The following IPO9 variants were observed in gnomAD, a reference collection of about 807,000 sequenced individuals.
IPO9 encodes importin-9.
In IPO9, 28 loss-of-function variants were observed where a neutral mutation model predicts 128.6. That is an observed-to-expected ratio of 0.22 (90% CI 0.16 to 0.30). IPO9 has a LOEUF of 0.30. Ranked by LOEUF, IPO9 falls within the 10% of genes least tolerant of loss-of-function variation. The probability of loss-of-function intolerance (pLI) is 1.00; values close to 1 mark genes in which losing one functional copy is unlikely to be tolerated. For missense variants in IPO9, 935 were observed against 1,293.9 expected, an observed-to-expected ratio of 0.72 and a Z score of 4.26; for synonymous variants, 455 against 475.8, an observed-to-expected ratio of 0.96 and a Z score of 0.57.
At chr1:201,859,180 A>AATATATATATATAT (rs148348918) in intron 13 of IPO9, among the ~76,000 whole-genome samples, 186 bp downstream of exon 13, 26 of 83,438 alleles carry the variant, frequency 3.1e-4, no homozygotes, top group African/African-American at 1.0e-3. Context: ...CTCAAAGTAT[A>AATATATATATATAT]ATATATATAT....
chr1:201,839,708 G>A (rs1680001815), intron 1 of IPO9, among the ~76,000 whole-genome samples: 2 of 151,884 alleles, frequency 1.3e-5, no homozygotes, highest in Non-Finnish European at 2.9e-5. Flanking sequence ...AGTACTAGAG[G>A]AAAACATGGG....
chr1:201,834,190 A>AG (rs1679884083), intron 1 of IPO9, among the ~76,000 whole-genome samples: 1 of 960 alleles, frequency 1.0e-3, no homozygotes, highest in South Asian at 0.25. Flanking sequence ...TCGTTAGAGT[A>AG]AAAAAACTTT....
Position 201,878,190 on chromosome 1 carries a change from T to C in IPO9, c.*2136T>C, listed in dbSNP as rs1254298463. 6.6e-6 allele frequency: 1 copy of C among 152,302 alleles called. No individual in the cohort carries two copies. The highest frequency in any genetic ancestry group is 1.5e-5 in the Non-Finnish European group (1 of 68,124). The allele number at this position is 152,302 out of a possible 1,614,324, so 9.4% of individuals were successfully genotyped here. On this transcript the variant is annotated 3_prime_UTR_variant, in exon 24 of 24. Transcript: ENST00000361565. ...CTGCTTCACATGGCATTGTGGGAGT[T>C]GCTGATACTGGGGAAATGATGGCAG...
rs781520441 is a variant in IPO9 at position 201,857,134 on chromosome 1, A to G, written c.1161A>G (p.Glu387=). 13 of 1,613,306 alleles carry G rather than the reference A, an allele frequency of 8.1e-6. No individual in the cohort carries two copies. In the African/African-American group the frequency reaches 1.3e-4, roughly 17 times the overall value. Residue 387 remains glutamate (E), a synonymous_variant, in exon 11 of 24, where the codon GAA becomes GAG. Transcript: ENST00000361565. Reference sequence around the variant, plus strand: ...CAGCCAACCCCCAACAATTTGTAGAAGATGAAGATGATGATACATTCTCCT... The same window carrying G: ...CAGCCAACCCCCAACAATTTGTAGAGGATGAAGATGATGATACATTCTCCT... ...VWTANPQQFV[E]DEDDDTFSYT...
intron 1 of IPO9, among the ~76,000 whole-genome samples, chr1:201,840,115 C>A (rs993134185): frequency 6.6e-6 from 1 of 152,136 alleles, no homozygotes; most frequent in African/African-American, 2.4e-5. Context: ...TTTGAGACAG[C>A]GTGTCACTCT....
chr1:201,857,049 A>C lies in IPO9; in HGVS notation c.1123-47A>C, dbSNP rs113701247. On this transcript the variant is annotated intron_variant, in intron 10 of 23. Transcript: ENST00000361565. ...TTCCTGTATCTGTTGATGAAAAGCT[A>C]TGAATCAGATTGGCAGCATCACAAA... The C allele has an allele frequency of 2.7e-6, 3 of 1,129,090 alleles. No individual in the cohort carries two copies. The African/African-American group carries it at 4.6e-5, about 17-fold the overall frequency. 69.9% of individuals were successfully genotyped at this position (1,129,090 alleles called of 1,614,324 possible). A position where few individuals can be genotyped will look rare whatever the true frequency, so the allele number is the denominator to read the frequency against.
chr1:201,839,585 G>T (rs868547121), intron 1 of IPO9, among the ~76,000 whole-genome samples: 1 of 118,986 alleles, frequency 8.4e-6, no homozygotes, highest in African/African-American at 3.3e-5. Flanking sequence ...AAAAAAAAAA[G>T]TGCTGCTATG....
intron 4 of IPO9, among the ~76,000 whole-genome samples, chr1:201,849,455 A>G (rs1316115742): frequency 6.6e-6 from 1 of 152,198 alleles, no homozygotes; most frequent in African/African-American, 2.4e-5. Context: ...TCCTTTAGAA[A>G]TCATCTTTCT....
In IPO9 at chr1:201,870,708, C is replaced by T. The variant is rs1439389679; in HGVS notation, c.2259C>T (p.Pro753=). 3 of 1,614,210 alleles carry T rather than the reference C, an allele frequency of 1.9e-6. No homozygotes were observed. The South Asian group carries it at 3.3e-5, about 18-fold the overall frequency. The change falls in exon 18 of 24, where the codon CCC becomes CCT. Residue 753 remains proline, a synonymous_variant. Transcript: ENST00000361565. The surrounding 1 kb of genome is among the most constrained non-coding windows in gnomAD (Gnocchi z 4.9). ...AAGTGGTGAGCCAGCTCCTGGACCC[C>T]CGCACCTCAGAGTTCACTGCGGCCT... ...VMQVVSQLLD[P]RTSEFTAAFV...
At chr1:201,856,924 C>T (rs535787890) in intron 10 of IPO9, among the ~76,000 whole-genome samples, 172 bp from the exon 11 acceptor site, 1 of 152,140 alleles carries the variant, frequency 6.6e-6, no homozygotes, top group African/African-American at 2.4e-5. Flanking sequence ...TGGGCTCAAG[C>T]AGTCCTCCCA....
chr1:201,861,439 T>C (rs889243363), intron 13 of IPO9, among the ~76,000 whole-genome samples: 3 of 152,234 alleles, frequency 2.0e-5, no homozygotes, highest in African/African-American at 7.2e-5. Context: ...ATTCAACACT[T>C]TATTATAAAA....
rs1162904723 is a variant in IPO9 at position 201,876,228 on chromosome 1, C to T, written c.*174C>T. ...CAGACCAGGCTCACCGGTGCCGTCA[C>T]TTAGGAATGCTGGAACAAAGGACAT... is the stretch of plus-strand genomic sequence containing the variant. On this transcript the variant is annotated 3_prime_UTR_variant, in exon 24 of 24. Coordinates refer to ENST00000361565, the MANE Select transcript of IPO9 (RefSeq NM_018085.5). 1 of 716,278 alleles carries T rather than the reference C, an allele frequency of 1.4e-6. No individual in the cohort carries two copies. The highest frequency in any genetic ancestry group is 1.7e-5 in the African/African-American group (1 of 57,358). 44.4% of individuals were successfully genotyped at this position (716,278 alleles called of 1,614,324 possible).
At chr1:201,853,293 GTGCAAT>G in intron 6 of IPO9, among the ~76,000 whole-genome samples, 196 bp downstream of exon 6, 1 of 152,092 alleles carries the variant, frequency 6.6e-6, no homozygotes, top group East Asian at 1.9e-4. Flanking sequence ...GACTACAGTG[GTGCAAT>G]CATGGCTCAC....
chr1:201,832,704 C>T (rs912132706), intron 1 of IPO9, among the ~76,000 whole-genome samples: 8 of 152,246 alleles, frequency 5.3e-5, no homozygotes, highest in African/African-American at 1.9e-4. Flanking sequence ...CCTCTGTCCT[C>T]TCAAATAACC....
chr1:201,871,122 A>G, intron 18 of IPO9, 39 bp from the exon 19 acceptor site: 2 of 1,599,922 alleles, frequency 1.3e-6, no homozygotes, highest in African/African-American at 1.3e-5. Context: ...TGTCTCTGAA[A>G]TTGATTTCCC....
chr1:201,871,372 ATTTC>A, intron 19 of IPO9, 45 bp downstream of exon 19: 101 of 232,706 alleles, frequency 4.3e-4, no homozygotes, highest in East Asian at 6.1e-4. Context: ...CACCACTCAT[ATTTC>A]TTTTTTTTTT....
Position 201,859,109 on chromosome 1 carries a change from C to T in IPO9, c.1468+115C>T, listed in dbSNP as rs1680388251. 6 of 932,964 alleles carry T rather than the reference C, an allele frequency of 6.4e-6. No homozygotes were observed. In the African/African-American group the frequency reaches 6.6e-5, roughly 10 times the overall value. The allele number at this position is 932,964 out of a possible 1,614,324, so 57.8% of individuals were successfully genotyped here. A position where few individuals can be genotyped will look rare whatever the true frequency, so the allele number is the denominator to read the frequency against. On this transcript the variant is annotated intron_variant, in intron 13 of 23. Coordinates refer to ENST00000361565, the MANE Select transcript of IPO9 (RefSeq NM_018085.5). The stretch of plus-strand genomic sequence containing the variant: ...GTAAGTGACAAGTTAATGGGTGCAG[C>T]ACACCAACATGGCACATGTATACAT...
At chr1:201,860,857 A>G (rs1680431185) in intron 13 of IPO9, among the ~76,000 whole-genome samples, 1 of 152,204 alleles carries the variant, frequency 6.6e-6, no homozygotes, top group African/African-American at 2.4e-5. Context: ...GGAAAACTCC[A>G]CTGTATACTT....
Position 201,857,210 on chromosome 1 carries a change from T to C in IPO9, c.1221+16T>C, listed in dbSNP as rs745530307. ...CTTGTTGCTGGTAAGTTTACCTTGA[T>C]ACTTCAGCCACATAATTTCTATCAG... On this transcript the variant is annotated intron_variant, in intron 11 of 23. Transcript: ENST00000361565. 3 of 1,478,818 alleles carry C rather than the reference T, an allele frequency of 2.0e-6. No homozygotes were observed. In the South Asian group the frequency reaches 3.4e-5, roughly 17 times the overall value. The allele number at this position is 1,478,818 out of a possible 1,614,324, so 91.6% of individuals were successfully genotyped here.
Sources: allele counts gnomAD v4.1 joint callset (sites outside exome capture counted in the v4.1 genomes callset), GRCh38; gene constraint gnomAD v4.1.1; non-coding constraint Gnocchi (gnomAD v3.1); transcripts MANE v1.5; gene names NCBI Gene and HGNC (gene_info 2026-07-23, HGNC 2026-07-21).